The following PDE4D variants were observed in gnomAD, a reference collection of about 807,000 sequenced individuals.
PDE4D encodes 3',5'-cyclic-AMP phosphodiesterase 4D.
PDE4D carries 24 observed loss-of-function variants against 87.4 expected under a neutral mutation model. The observed-to-expected ratio is 0.27, with a 90% CI of 0.20 to 0.39. The LOEUF is 0.39. Among genes scored for constraint, PDE4D ranks in the 10% least tolerant of loss-of-function variants. The pLI is 1.00. For synonymous variants in PDE4D, 384 were observed against 383.2 expected, an observed-to-expected ratio of 1.00 and a Z score of -0.02; for missense variants, 714 against 1,041.0, an observed-to-expected ratio of 0.69 and a Z score of 4.32.
chr5:60,257,774 C>T (rs573601396), intron 1 of PDE4D, among the ~76,000 whole-genome samples: 1 of 152,026 alleles, frequency 6.6e-6, no homozygotes, highest in South Asian at 2.1e-4. Flanking sequence ...ATCCCAGCTG[C>T]AGAAGGATGT....
At chr5:60,273,856 A>G (rs1751070495) in intron 1 of PDE4D, among the ~76,000 whole-genome samples, 1 of 152,200 alleles carries the variant, frequency 6.6e-6, no homozygotes, top group African/African-American at 2.4e-5. Flanking sequence ...GAAATCAAAA[A>G]AAAAATGTCC....
intron 1 of PDE4D, among the ~76,000 whole-genome samples, chr5:59,716,671 T>C (rs539014856): frequency 9.9e-5 from 15 of 152,236 alleles, no homozygotes; most frequent in Non-Finnish European, 1.8e-4. Flanking sequence ...ATTCATTTAT[T>C]TATTCATTTC....
intron 2 of PDE4D, chr5:60,021,720 G>C (rs562218022): frequency 1.3e-5 from 2 of 152,214 alleles, no homozygotes; most frequent in South Asian, 4.1e-4. Context: ...TAAGAATATT[G>C]GTATTGATAC....
intron 1 of PDE4D, among the ~76,000 whole-genome samples, chr5:60,335,502 T>C (rs750201340): frequency 6.6e-6 from 1 of 152,166 alleles, no homozygotes; most frequent in Non-Finnish European, 1.5e-5. Context: ...CAGTAGGAAG[T>C]GCATATATTT....
chr5:60,396,221 A>C (rs1762873342), intron 1 of PDE4D, among the ~76,000 whole-genome samples: 1 of 152,242 alleles, frequency 6.6e-6, no homozygotes, highest in African/African-American at 2.4e-5. Context: ...GTTAAAATAG[A>C]TGATCCTGAG....
intron 2 of PDE4D, among the ~76,000 whole-genome samples, chr5:60,032,103 C>A (rs1767302286): frequency 6.6e-6 from 1 of 151,844 alleles, no homozygotes; most frequent in South Asian, 2.1e-4. Context: ...CAGGGAAATA[C>A]AATAAAATCT....
At chr5:60,394,887 C>T (rs533941110) in intron 1 of PDE4D, among the ~76,000 whole-genome samples, 12 of 152,246 alleles carry the variant, frequency 7.9e-5, no homozygotes, top group South Asian at 2.1e-4. Flanking sequence ...CATCTTGCTC[C>T]GGTACAAACA....
chr5:60,175,387 G>C (rs1168376559), intron 2 of PDE4D, among the ~76,000 whole-genome samples: 2 of 151,812 alleles, frequency 1.3e-5, no homozygotes, highest in Non-Finnish European at 2.9e-5. Flanking sequence ...TAAATTCCTT[G>C]TGTGATAATT....
chr5:60,491,058 C>T (rs778922784), upstream of PDE4D: 3 of 152,308 alleles, frequency 2.0e-5, no homozygotes, highest in East Asian at 1.9e-4. Flanking sequence ...TTCACAGTGC[C>T]AGCCTCTACC....
At chr5:60,087,670 G>T (rs1774680296) in intron 2 of PDE4D, among the ~76,000 whole-genome samples, 1 of 151,822 alleles carries the variant, frequency 6.6e-6, no homozygotes, top group Admixed American at 6.6e-5. Context: ...TAGTGAGCTT[G>T]AAAAAAGAAT....
intron 1 of PDE4D, among the ~76,000 whole-genome samples, chr5:59,635,469 A>G (rs987159421): frequency 6.6e-6 from 1 of 152,232 alleles, no homozygotes; most frequent in Admixed American, 6.5e-5. Context: ...TCCTTGATGA[A>G]CATCGATGTG....
chr5:60,298,368 G>T (rs1251695985), intron 1 of PDE4D, among the ~76,000 whole-genome samples: 1 of 151,978 alleles, frequency 6.6e-6, no homozygotes, highest in Non-Finnish European at 1.5e-5. Flanking sequence ...TTCCAAAATG[G>T]GTTATAAACA....
Position 59,579,767 on chromosome 5 carries a change from C to T in PDE4D, c.455+313401G>A, listed in dbSNP as rs1460855398. Among the ~76,000 whole-genome samples the T allele has an allele frequency of 2.0e-5, 3 of 152,176 alleles. No individual in the cohort carries two copies. The East Asian group carries it at 5.8e-4, about 29-fold the overall frequency. ...TTTTGCTTTGAACAGAGGCTCTGTC[C>T]ATTCACCAAGTACTGTAGTTTGCAT... On this transcript the variant is annotated intron_variant, in intron 1 of 14. Coordinates refer to ENST00000340635, the MANE Select transcript of PDE4D (RefSeq NM_001104631.2).
intron 2 of PDE4D, among the ~76,000 whole-genome samples, chr5:59,202,494 T>C (rs187163784): frequency 6.6e-6 from 1 of 152,206 alleles, no homozygotes; most frequent in East Asian, 1.9e-4. Flanking sequence ...TCCCAAGCAG[T>C]TGGAATTACA....
chr5:60,224,834 G>A (rs547083836), intron 1 of PDE4D, among the ~76,000 whole-genome samples: 7 of 152,126 alleles, frequency 4.6e-5, no homozygotes, highest in East Asian at 3.9e-4. Flanking sequence ...GAAAGAATTC[G>A]TGGCCATTTT....
chr5:59,378,423 T>C (rs777102727), intron 1 of PDE4D, among the ~76,000 whole-genome samples: 9 of 151,652 alleles, frequency 5.9e-5, no homozygotes, highest in Non-Finnish European at 1.3e-4. Context: ...ACCCCTGAAC[T>C]TAAAAGTTAA....
At chr5:60,163,297 TA>T (rs965324913) in intron 2 of PDE4D, among the ~76,000 whole-genome samples, 5 of 152,160 alleles carry the variant, frequency 3.3e-5, no homozygotes, top group Admixed American at 3.3e-4. Flanking sequence ...TATTACTCTA[TA>T]TTTTCATCTC....
chr5:59,522,680 T>G lies in PDE4D; in HGVS notation c.456-306712A>C, dbSNP rs569744089. 2.6e-5 allele frequency among the ~76,000 whole-genome samples: 4 copies of G among 152,296 alleles called. No individual in the cohort carries two copies. The East Asian group carries it at 5.8e-4, about 22-fold the overall frequency. ...GGGCAAAGAATCTTGAGGAGTAAAA[T>G]TGCCTATGCCATTTCACATGAATGA... On this transcript the variant is annotated intron_variant, in intron 1 of 14. Transcript: ENST00000340635.
At chr5:59,411,568 C>T (rs1792686683) in intron 1 of PDE4D, among the ~76,000 whole-genome samples, 1 of 152,180 alleles carries the variant, frequency 6.6e-6, no homozygotes, top group South Asian at 2.1e-4. Flanking sequence ...CAGATGGCTG[C>T]CTTCTTACCA....
Sources: allele counts gnomAD v4.1 joint callset (sites outside exome capture counted in the v4.1 genomes callset), GRCh38; gene constraint gnomAD v4.1.1; transcripts MANE v1.5; gene names NCBI Gene and HGNC (gene_info 2026-07-23, HGNC 2026-07-21).